TTN: variants seen among roughly 807,000 people sequenced by gnomAD.
TTN encodes connectin.
TTN carries 1,525 observed loss-of-function variants against 3,223.0 expected under a neutral mutation model. The ratio of observed to expected loss-of-function variants is 0.47; its 90% CI spans 0.45 to 0.49. The LOEUF is 0.49. TTN is among the 20% of genes least tolerant of loss of function. The pLI, the probability that TTN is intolerant of heterozygous loss-of-function variation, is 0.00. For missense variants in TTN, 40,786 were observed against 43,424.0 expected, an observed-to-expected ratio of 0.94 and a Z score of 5.40; for synonymous variants, 14,094 against 15,161.0, an observed-to-expected ratio of 0.93 and a Z score of 5.17.
intron 44 of TTN, among the ~76,000 whole-genome samples, chr2:178,758,253 TA>T (rs1199476527): frequency 6.6e-6 from 1 of 152,276 alleles, no homozygotes; most frequent in Non-Finnish European, 1.5e-5. Flanking sequence ...ATTCATTATT[TA>T]AAAAAACATC....
At position 178,590,958 on chromosome 2, in the gene TTN, G is replaced by A. The variant is rs1314557712; in HGVS notation, c.60767C>T (p.Pro20256Leu). 1 of 1,613,238 alleles carries A rather than the reference G, an allele frequency of 6.2e-7. No individual in the cohort carries two copies. The highest frequency in any genetic ancestry group is 1.3e-5 in the African/African-American group (1 of 74,860). The part of the protein sequence containing the change: ...VRAENKIGVG[P>L]PLDSTPTVAK... ...AACAGTAGGTGTGGAGTCAAGGGGA[G>A]GACCAACACCTATCTTATTCTCTGC... The change falls in exon 304 of 363, where the codon CCT (proline) becomes CTT (leucine). Residue 20256 changes from proline to leucine, a missense_variant. Pro to Leu is a moderately conservative substitution (Grantham distance 98). Coordinates refer to ENST00000589042, the MANE Select transcript of TTN (RefSeq NM_001267550.2).
At chr2:178,764,071 A>C (rs1574476819) in intron 43 of TTN, 106 bp downstream of exon 43, 11 of 1,513,820 alleles carry the variant, frequency 7.3e-6, no homozygotes, top group Non-Finnish European at 1.0e-5. Context: ...TTAAGCTTCA[A>C]ATTATGCATG....
At position 178,618,336 on chromosome 2, in the gene TTN, T is replaced by C; in HGVS notation, c.47122A>G (p.Thr15708Ala). The part of the protein sequence containing the change: ...DIKRKTWVLA[T>A]DRAESCEFTV... ...AACTCACAACTCTCTGCACGGTCTG[T>C]GGCCAGAACCCAGGTCTTTCTCTTA... Residue 15708 changes from threonine (T) to alanine (A), a missense_variant, in exon 252 of 363, where the codon ACA becomes GCA. Transcript: ENST00000589042. 6.2e-7 allele frequency: 1 copy of C among 1,612,686 alleles called. No homozygotes were observed. The highest frequency in any genetic ancestry group is 8.5e-7 in the Non-Finnish European group (1 of 1,179,122).
chr2:178,542,167 A>G (rs1193626285), intron 349 of TTN, 97 bp downstream of exon 349: 1 of 1,260,164 alleles, frequency 7.9e-7, no homozygotes, highest in African/African-American at 1.5e-5. Flanking sequence ...TTTGTGACCT[A>G]TTTTTATTTA....
intron 213 of TTN, among the ~76,000 whole-genome samples, chr2:178,647,873 C>T (rs1183438308): frequency 6.6e-6 from 1 of 152,144 alleles, no homozygotes; most frequent in African/African-American, 2.4e-5. Context: ...CCATTTTCCT[C>T]TAACGTTAGT....
chr2:178,539,589 C>T lies in TTN; in HGVS notation c.98476G>A (p.Ala32826Thr). Residue 32826 changes from alanine (A) to threonine (T), a missense_variant, in exon 352 of 363, where the codon GCT becomes ACT. Physicochemically the swap from Ala to Thr is moderately conservative, Grantham distance 58 (BLOSUM62 0). Coordinates refer to ENST00000589042, the MANE Select transcript of TTN (RefSeq NM_001267550.2). ...SWRPPADDGG[A>T]DILGYILERR... is the part of the protein sequence containing the mutation. ...TCGAGGATGTAGCCTAAGATGTCAGCACCACCATCATCAGCAGGAGGTCTC... is the reference window on the plus strand; with the variant it reads ...TCGAGGATGTAGCCTAAGATGTCAGTACCACCATCATCAGCAGGAGGTCTC... 9.9e-6 allele frequency: 16 copies of T among 1,613,838 alleles called. No homozygotes were observed. The highest frequency in any genetic ancestry group is 1.4e-5 in the Non-Finnish European group (16 of 1,179,806).
In TTN at chr2:178,733,630, C is replaced by T. The variant is rs762882331; in HGVS notation, c.15759G>A (p.Gly5253=). ...TACACAAACCTTTAACTATTAATTC[C>T]CCAACAGATGTTTGGCTTCCAGCTT... is the stretch of plus-strand genomic sequence containing the variant. ...ENEAGSQTSV[G]ELIVKEPAKI... is the part of the protein sequence containing the mutation. Residue 5253 remains glycine, a synonymous_variant, in exon 53 of 363, where the codon GGG becomes GGA. Coordinates refer to ENST00000589042, the MANE Select transcript of TTN (RefSeq NM_001267550.2). The T allele has an allele frequency of 1.2e-6, 2 of 1,611,782 alleles. No individual in the cohort carries two copies. Among genetic ancestry groups the T allele is most frequent in the Non-Finnish European group, 1.7e-6 (2 of 1,178,220 alleles).
In TTN at chr2:178,531,689, A is replaced by G; in HGVS notation, c.104926T>C (p.Tyr34976His). 6.2e-7 allele frequency: 1 copy of G among 1,613,978 alleles called. No homozygotes were observed. The highest frequency in any genetic ancestry group is 1.1e-5 in the South Asian group (1 of 91,088). ...TCTTGGAGTTCCACACCATTGTGGT[A>G]CCATTTAACCTCGGCAGTTGGCTTA... ...QSKPTAEVKW[Y>H]HNGVELQESS... is the part of the protein sequence containing the mutation. Residue 34976 changes from tyrosine to histidine, a missense_variant, in exon 358 of 363, where the codon TAC (tyrosine) becomes CAC (histidine). Coordinates refer to ENST00000589042, the MANE Select transcript of TTN (RefSeq NM_001267550.2).
chr2:178,644,646 T>C, intron 217 of TTN, 30 bp from the exon 218 acceptor site: 1 of 1,479,772 alleles, frequency 6.8e-7, no homozygotes, highest in Non-Finnish European at 9.1e-7. Flanking sequence ...ACTTTTGTTA[T>C]TTGTATATTT....
At chr2:178,785,589 C>T (rs763639868) in intron 15 of TTN, 31 bp downstream of exon 15, 2 of 1,613,512 alleles carry the variant, frequency 1.2e-6, no homozygotes, top group Non-Finnish European at 1.7e-6. Flanking sequence ...TTCCTTTAAA[C>T]ATTTCTGTAT....
chr2:178,561,550 T>C lies in TTN; in HGVS notation c.84582A>G (p.Lys28194=). 1 of 1,613,352 alleles carries C rather than the reference T, an allele frequency of 6.2e-7. No homozygotes were observed. The highest frequency in any genetic ancestry group is 1.1e-5 in the South Asian group (1 of 91,046). ...TTGACCAAAGAATGCTGCTTCTTTC[T>C]TTATACTCAAGATGATAGCCAATTA... ...SRVIGYHLEY[K]ERSSILWSKA... The change falls in exon 326 of 363, where the codon AAA becomes AAG. Residue 28194 remains lysine (K), a synonymous_variant. Coordinates refer to ENST00000589042, the MANE Select transcript of TTN (RefSeq NM_001267550.2).
At position 178,653,416 on chromosome 2, in the gene TTN, A is replaced by C; in HGVS notation, c.38707+11T>G. On this transcript the variant is annotated intron_variant, in intron 197 of 362. Transcript: ENST00000589042. ...TGGATCTTCTGAAGCTTAAGGTCAA[A>C]TGACAAGTACCTGTAACAGGTGGAA... The C allele has an allele frequency of 7.5e-6, 12 of 1,594,928 alleles. No individual in the cohort carries two copies. The highest frequency in any genetic ancestry group is 1.0e-5 in the Non-Finnish European group (12 of 1,174,640).
rs750702045 is a variant in TTN at position 178,593,277 on chromosome 2, A to G, written c.58931T>C (p.Leu19644Pro). Residue 19644 changes from leucine (L) to proline (P), a missense_variant, in exon 299 of 363, where the codon CTT (leucine) becomes CCT (proline). Physicochemically the swap from Leu to Pro is moderately conservative, Grantham distance 98. Transcript: ENST00000589042. ...HPYTKFRVPD[L>P]LEGCQYEFRV... ...GAATTCATACTGACATCCTTCTAGA[A>G]GATCAGGAACCCTAAATTTAGTGTA... 3 of 1,613,410 alleles carry G rather than the reference A, an allele frequency of 1.9e-6. No homozygotes were observed. The highest frequency in any genetic ancestry group is 1.7e-5 in the Admixed American group (1 of 59,968).
At position 178,680,172 on chromosome 2, in the gene TTN, A is replaced by G; in HGVS notation, c.33418+82T>C. On this transcript the variant is annotated intron_variant, in intron 139 of 362. Transcript: ENST00000589042. The stretch of plus-strand genomic sequence containing the variant: ...AAGGACAAGATTTACTTTTCCCACA[A>G]AAGAAGTTTTCACACACAGAACTGA... 6 of 1,582,668 alleles carry G rather than the reference A, an allele frequency of 3.8e-6. No homozygotes were observed. The South Asian group carries it at 6.9e-5, about 18-fold the overall frequency.
At position 178,560,256 on chromosome 2, in the gene TTN, A is replaced by G. The variant is rs1477861188; in HGVS notation, c.85876T>C (p.Tyr28626His). The change falls in exon 326 of 363, where the codon TAT (tyrosine) becomes CAT (histidine). Residue 28626 changes from tyrosine to histidine, a missense_variant. By Grantham distance (83) the Tyr-to-His change is moderately conservative. Transcript: ENST00000589042. ...REGCEYEYRV[Y>H]AENAAGLSLP... The stretch of plus-strand genomic sequence containing the variant: ...CTTAGGCCAGCAGCATTTTCTGCAT[A>G]AACACGATATTCATATTCACATCCT... 6.2e-7 allele frequency: 1 copy of G among 1,613,824 alleles called. No individual in the cohort carries two copies. Among genetic ancestry groups the G allele is most frequent in the Admixed American group, 1.7e-5 (1 of 60,004 alleles).
rs557405599 is a variant in TTN at position 178,621,055 on chromosome 2, A to AAAAC, written c.45616+43_45616+46dup. 1.6e-4 allele frequency: 249 copies of AAAAC among 1,605,746 alleles called. No individual in the cohort carries two copies. The African/African-American group carries it at 2.3e-3, about 15-fold the overall frequency. ...TGATCAAAGTGGTAAATACAAATAC[A>AAAAC]AAACAAACAAACAAACAAAAAACCC... On this transcript the variant is annotated intron_variant, in intron 246 of 362. Coordinates refer to ENST00000589042, the MANE Select transcript of TTN (RefSeq NM_001267550.2).
chr2:178,719,829 G>T lies in TTN; in HGVS notation c.23663C>A (p.Pro7888Gln). The stretch of plus-strand genomic sequence containing the variant: ...TTCGGGCTTCTCTATGATTCTTGCT[G>T]GTTCTAAAAGAAGAAGTATTTTGCA... ...ECSAVLTVLE[P>Q]ARIIEKPEPM... Residue 7888 changes from proline (P) to glutamine (Q), a missense_variant, in exon 82 of 363, where the codon CCA becomes CAA. Physicochemically the swap from Pro to Gln is moderately conservative, Grantham distance 76 (BLOSUM62 -1). Transcript: ENST00000589042. 4 of 1,600,268 alleles carry T rather than the reference G, an allele frequency of 2.5e-6. No homozygotes were observed. Among genetic ancestry groups the T allele is most frequent in the Non-Finnish European group, 3.4e-6 (4 of 1,172,482 alleles).
At position 178,731,196 on chromosome 2, in the gene TTN, T is replaced by G. The variant is rs1389449784; in HGVS notation, c.17469A>C (p.Ala5823=). Residue 5823 remains alanine, a synonymous_variant, in exon 60 of 363, where the codon GCA becomes GCC. Transcript: ENST00000589042. ...TAGACACAGCTTCCTCGGTGATTGT[T>G]GCAGGTTCTGTAGAAAACAAAGGGA... ...CSALLSVKEP[A]TITEEAVSID... 6.2e-7 allele frequency: 1 copy of G among 1,612,990 alleles called. No individual in the cohort carries two copies. The highest frequency in any genetic ancestry group is 1.1e-5 in the South Asian group (1 of 91,012).
rs774395395 is a variant in TTN at position 178,584,952 on chromosome 2, AG to A, written c.64688del (p.Pro21563LeufsTer10). 1 of 1,613,182 alleles carries A rather than the reference AG, an allele frequency of 6.2e-7. No individual in the cohort carries two copies. The highest frequency in any genetic ancestry group is 8.5e-7 in the Non-Finnish European group (1 of 1,179,490). ...KVVVMDAPGP[P>X]QPPFDISDID... ...TATCAGAAATGTCAAATGGAGGCTG[AG>A]GGGGGCCGGGGGCATCTACATGAAC... On this transcript the variant is annotated frameshift_variant, in exon 310 of 363. Coordinates refer to ENST00000589042, the MANE Select transcript of TTN (RefSeq NM_001267550.2). LOFTEE classifies it high-confidence loss of function.
Sources: allele counts gnomAD v4.1 joint callset (sites outside exome capture counted in the v4.1 genomes callset), GRCh38; gene constraint gnomAD v4.1.1; transcripts MANE v1.5; gene names NCBI Gene and HGNC (gene_info 2026-07-23, HGNC 2026-07-21).